FBXL5: variants seen among roughly 807,000 people sequenced by gnomAD.
The protein encoded by FBXL5 is F-box and leucine rich repeat protein 5, also known as F-box/LRR-repeat protein 5.
A neutral mutation model predicts 78.3 loss-of-function variants in FBXL5; 26 were observed. The observed-to-expected ratio is 0.33, with a 90% CI of 0.24 to 0.46. The LOEUF is 0.46. Ranked by LOEUF, FBXL5 falls within the 20% of genes least tolerant of loss-of-function variation. The pLI is 1.00. For synonymous variants in FBXL5, 295 were observed against 282.5 expected (o/e 1.04, Z -0.45); for missense variants, 710 against 829.2 (o/e 0.86, Z 1.77).
intron 1 of FBXL5, among the ~76,000 whole-genome samples, chr4:15,653,769 G>A (rs1716444744): frequency 1.3e-5 from 2 of 152,112 alleles, no homozygotes; most frequent in African/African-American, 4.8e-5. Context: ...TTGCTTAATG[G>A]CTTAACCATT....
At chr4:15,623,012 T>G (rs1052906191) in intron 9 of FBXL5, among the ~76,000 whole-genome samples, 2 of 152,200 alleles carry the variant, frequency 1.3e-5, no homozygotes, top group African/African-American at 4.8e-5. Flanking sequence ...TATCAGAATT[T>G]GTTAATGAAG....
rs183534268 is a variant in FBXL5 at position 15,653,120 on chromosome 4, A to G, written c.84+2084T>C. On this transcript the variant is annotated intron_variant, in intron 1 of 10. Coordinates refer to ENST00000341285, the MANE Select transcript of FBXL5 (RefSeq NM_012161.4). Reference sequence around the variant, plus strand: ...AATTCCTATGCATTTTTTTTTCCCTAAATCGCCTCAGTTTCAGTTCAGAAA... The same window carrying G: ...AATTCCTATGCATTTTTTTTTCCCTGAATCGCCTCAGTTTCAGTTCAGAAA... Among the ~76,000 whole-genome samples the G allele has an allele frequency of 3.3e-5, 5 of 152,252 alleles. No homozygotes were observed. In the East Asian group the frequency reaches 9.6e-4, roughly 29 times the overall value.
At chr4:15,612,854 A>C (rs960485653) in intron 9 of FBXL5, among the ~76,000 whole-genome samples, 2 of 152,240 alleles carry the variant, frequency 1.3e-5, no homozygotes, top group Non-Finnish European at 2.9e-5. Context: ...TGTCCCAGGT[A>C]TATACCCAAG....
chr4:15,623,875 T>G lies in FBXL5; in HGVS notation c.1850+1377A>C, dbSNP rs1203487724. On this transcript the variant is annotated intron_variant, in intron 9 of 10. Coordinates refer to ENST00000341285, the MANE Select transcript of FBXL5 (RefSeq NM_012161.4). ...TTTCGCTCTGTCGCCCAGGTTGGAGTGCAGCAGCATGATCTCGGCTCACTG... is the reference window on the plus strand; with the variant it reads ...TTTCGCTCTGTCGCCCAGGTTGGAGGGCAGCAGCATGATCTCGGCTCACTG... Among the ~76,000 whole-genome samples the G allele has an allele frequency of 4.0e-5, 6 of 151,708 alleles. 1 individual carries two copies. In the East Asian group the frequency reaches 1.2e-3, roughly 29 times the overall value.
Position 15,636,604 on chromosome 4 carries a change from T to G in FBXL5, c.656A>C (p.Tyr219Ser). The G allele has an allele frequency of 6.2e-7, 1 of 1,614,044 alleles. No individual in the cohort carries two copies. The highest frequency in any genetic ancestry group is 8.5e-7 in the Non-Finnish European group (1 of 1,179,930). The change falls in exon 5 of 11, where the codon TAT becomes TCT. Residue 219 changes from tyrosine to serine, a missense_variant. Coordinates refer to ENST00000341285, the MANE Select transcript of FBXL5 (RefSeq NM_012161.4). ...PPEVMLSIFS[Y>S]LNPQELCRCS... is the part of the protein sequence containing the mutation. Reference sequence around the variant, plus strand: ...TCGACATAACTCTTGAGGATTAAGATAGCTGAAAATTGACAGCATTACCTC... The same window carrying G: ...TCGACATAACTCTTGAGGATTAAGAGAGCTGAAAATTGACAGCATTACCTC...
chr4:15,640,933 T>C, intron 2 of FBXL5, 50 bp from the exon 3 acceptor site: 4 of 1,009,984 alleles, frequency 4.0e-6, no homozygotes, highest in Non-Finnish European at 5.7e-6. Flanking sequence ...GCTTCATTAA[T>C]TATGTCTGGT....
At position 15,627,036 on chromosome 4, in the gene FBXL5, T is replaced by A. The variant is rs1046945567; in HGVS notation, c.1042-81A>T. 5.4e-6 allele frequency: 4 copies of A among 737,322 alleles called. No homozygotes were observed. The Admixed American group carries it at 1.1e-4, about 21-fold the overall frequency. The allele number at this position is 737,322 out of a possible 1,614,324, so 45.7% of individuals were successfully genotyped here. ...AACAGATGACTATTAGTAAACATAA[T>A]CTAGTTCACAAACTTTTGTGAATAT... On this transcript the variant is annotated intron_variant, in intron 7 of 10. Coordinates refer to ENST00000341285, the MANE Select transcript of FBXL5 (RefSeq NM_012161.4).
chr4:15,632,741 T>C (rs1257964194), intron 5 of FBXL5, among the ~76,000 whole-genome samples: 1 of 152,222 alleles, frequency 6.6e-6, no homozygotes, highest in Non-Finnish European at 1.5e-5. Context: ...CTTGTGATTT[T>C]TGCACATTGA....
At chr4:15,650,632 A>G (rs896735767) in intron 1 of FBXL5, among the ~76,000 whole-genome samples, 1 of 149,392 alleles carries the variant, frequency 6.7e-6, no homozygotes, top group African/African-American at 2.5e-5. Context: ...GATATCTTCC[A>G]CATTTTAAAA....
intron 3 of FBXL5, 22 bp downstream of exon 3, chr4:15,640,766 A>G (rs775439141): frequency 1.5e-6 from 2 of 1,325,036 alleles, no homozygotes; most frequent in Non-Finnish European, 2.1e-6. Flanking sequence ...AATCTAAATC[A>G]CGAAAGAAAA....
At chr4:15,658,285 T>C (rs1484700450), upstream of FBXL5, among the ~76,000 whole-genome samples, 1 of 152,196 alleles carries the variant, frequency 6.6e-6, no homozygotes, top group African/African-American at 2.4e-5. Flanking sequence ...AGTACCAGAG[T>C]TGATCCTTAC....
chr4:15,635,471 G>A (rs1012398215), intron 5 of FBXL5, among the ~76,000 whole-genome samples: 1 of 151,284 alleles, frequency 6.6e-6, no homozygotes, highest in African/African-American at 2.4e-5. Context: ...ATATTCCCCT[G>A]GGCCGGGTCT....
intron 7 of FBXL5, among the ~76,000 whole-genome samples, chr4:15,627,194 G>GCAGT (rs1030587844): frequency 3.4e-5 from 5 of 146,994 alleles, no homozygotes; most frequent in Non-Finnish European, 5.9e-5. Context: ...GAGGGCAGTG[G>GCAGT]CAGTATCTTG....
chr4:15,615,478 G>A (rs10939623), intron 9 of FBXL5, among the ~76,000 whole-genome samples: 129,564 of 135,682 alleles, frequency 0.95, 61,804 homozygotes, highest in Non-Finnish European at 0.99. Flanking sequence ...GAGTGCACCA[G>A]TCGACACTCT....
chr4:15,644,139 T>C (rs765567848), intron 2 of FBXL5, among the ~76,000 whole-genome samples: 3 of 152,352 alleles, frequency 2.0e-5, no homozygotes, highest in Admixed American at 6.5e-5. Flanking sequence ...GATCCTTCAA[T>C]ATGTTACTAT....
At chr4:15,641,301 A>C (rs975562426) in intron 2 of FBXL5, among the ~76,000 whole-genome samples, 2 of 152,142 alleles carry the variant, frequency 1.3e-5, no homozygotes, top group Non-Finnish European at 2.9e-5. Flanking sequence ...CTTGAACAAC[A>C]CAGGTTTGAA....
chr4:15,668,438 C>T (rs1482026253), intron 1 of FBXL5, among the ~76,000 whole-genome samples: 1 of 151,180 alleles, frequency 6.6e-6, no homozygotes, highest in Non-Finnish European at 1.5e-5. Context: ...CAGATTTTGA[C>T]TTTATTCAAA....
At chr4:15,618,649 C>T (rs1712146924) in intron 9 of FBXL5, among the ~76,000 whole-genome samples, 1 of 152,038 alleles carries the variant, frequency 6.6e-6, no homozygotes, top group Admixed American at 6.6e-5. Context: ...CAAGACCAGC[C>T]TAGCCAACAT....
intron 9 of FBXL5, among the ~76,000 whole-genome samples, chr4:15,616,034 C>G (rs890487032): frequency 6.6e-6 from 1 of 151,978 alleles, no homozygotes; most frequent in Non-Finnish European, 1.5e-5. Context: ...CACGAGGCCA[C>G]CGGGAGGAAT....
Sources: allele counts gnomAD v4.1 joint callset (sites outside exome capture counted in the v4.1 genomes callset), GRCh38; gene constraint gnomAD v4.1.1; transcripts MANE v1.5; gene names NCBI Gene and HGNC (gene_info 2026-07-23, HGNC 2026-07-21).